The following CGNL1 variants were observed in gnomAD, a reference collection of about 807,000 sequenced individuals.
The protein encoded by CGNL1 is cingulin-like protein 1.
Under a neutral mutation model 141.2 loss-of-function variants are expected in CGNL1, and 132 were observed. That is an observed-to-expected ratio of 0.93 (90% CI 0.81 to 1.08). The LOEUF (loss-of-function observed/expected upper bound fraction) is 1.08. Among genes scored for constraint, CGNL1 ranks in the 50% least tolerant of loss-of-function variants. The pLI is 0.00. For synonymous variants in CGNL1, 690 were observed against 622.1 expected, an observed-to-expected ratio of 1.11 and a Z score of -1.63; for missense variants, 1,870 against 1,588.6, an observed-to-expected ratio of 1.18 and a Z score of -3.01.
intron 10 of CGNL1, among the ~76,000 whole-genome samples, chr15:57,521,112 A>G (rs1318924403): frequency 1.3e-5 from 2 of 152,192 alleles, no homozygotes; most frequent in Non-Finnish European, 2.9e-5. Context: ...CTGTAGCTAC[A>G]GAGCGTTTCA....
At chr15:57,455,020 A>T (rs1382953326) in intron 7 of CGNL1, among the ~76,000 whole-genome samples, 3 of 152,158 alleles carry the variant, frequency 2.0e-5, no homozygotes, top group African/African-American at 7.2e-5. Context: ...ATGTATATAT[A>T]ATATAAGGAC....
Position 57,516,997 on chromosome 15 carries a change from C to A in CGNL1, c.2610+11C>A, listed in dbSNP as rs1403307734. On this transcript the variant is annotated intron_variant, in intron 9 of 18. Transcript: ENST00000281282. ...CTGAAGAAGTACGAGGTGAGGCTCG[C>A]TGGGCCCAGGCCCAGCTTTGGCAGC... 4 of 1,609,468 alleles carry A rather than the reference C, an allele frequency of 2.5e-6. No homozygotes were observed. Among genetic ancestry groups the A allele is most frequent in the Middle Eastern group, 1.9e-4 (1 of 5,390 alleles).
chr15:57,524,552 T>G (rs2031483897), intron 11 of CGNL1, 29 bp from the exon 12 acceptor site: 1 of 1,595,476 alleles, frequency 6.3e-7, no homozygotes, highest in East Asian at 2.2e-5. Context: ...CATCCCAGGG[T>G]GGGCTCACAC....
chr15:57,468,514 G>A (rs563161381), intron 8 of CGNL1, among the ~76,000 whole-genome samples: 1 of 151,908 alleles, frequency 6.6e-6, no homozygotes, highest in African/African-American at 2.4e-5. Flanking sequence ...TTATAGGTGT[G>A]ACCCACTGCA....
chr15:57,515,779 C>G (rs1199532848), intron 8 of CGNL1, among the ~76,000 whole-genome samples: 1 of 152,082 alleles, frequency 6.6e-6, no homozygotes, highest in Admixed American at 6.5e-5. Context: ...GAACTGTATC[C>G]TAATTTAAGC....
intron 1 of CGNL1, among the ~76,000 whole-genome samples, chr15:57,392,025 C>A (rs1262639908): frequency 6.6e-6 from 1 of 151,436 alleles, no homozygotes; most frequent in Non-Finnish European, 1.5e-5. Context: ...TTTTCAGCAC[C>A]ATAAGATGGT....
chr15:57,441,107 A>T (rs2063181917), intron 3 of CGNL1, among the ~76,000 whole-genome samples: 1 of 151,870 alleles, frequency 6.6e-6, no homozygotes, highest in African/African-American at 2.4e-5. Context: ...AGCCTACATG[A>T]CTGAAAACCA....
chr15:57,449,062 C>T (rs1229747647), intron 4 of CGNL1, among the ~76,000 whole-genome samples: 27 of 152,232 alleles, frequency 1.8e-4, no homozygotes, highest in Middle Eastern at 6.8e-3. Context: ...AAATGAATGC[C>T]AGAATGTCCA....
At position 57,440,472 on chromosome 15, in the gene CGNL1, G is replaced by T; in HGVS notation, c.1697+1G>T. 1.3e-6 allele frequency: 2 copies of T among 1,577,710 alleles called. No individual in the cohort carries two copies. The highest frequency in any genetic ancestry group is 1.8e-5 in the Admixed American group (1 of 55,992). ...TTCTCTACAATTACCTCAAAGAAGG[G>T]TTAGTGATTTTCCCTCTGAAAGAGC... On this transcript the variant is annotated splice_donor_variant, in intron 3 of 18. Transcript: ENST00000281282. LOFTEE classifies it high-confidence loss of function.
rs912392375 is a variant in CGNL1 at position 57,527,218 on chromosome 15, C to T, written c.3040-1436C>T. 5.3e-5 allele frequency: 8 copies of T among 152,022 alleles called. No individual in the cohort carries two copies. In the Middle Eastern group the frequency reaches 0.014, roughly 259 times the overall value. The allele number at this position is 152,022 out of a possible 1,614,324, so 9.4% of individuals were successfully genotyped here. On this transcript the variant is annotated intron_variant, in intron 12 of 18. Coordinates refer to ENST00000281282, the MANE Select transcript of CGNL1 (RefSeq NM_032866.5). ...GTGGGTCTTCATCTGGAGATGTCAT[C>T]TTCAAGGCTAGGCTGTTCTCTTAGA...
At chr15:57,491,212 G>A (rs940257591) in intron 8 of CGNL1, among the ~76,000 whole-genome samples, 3 of 152,224 alleles carry the variant, frequency 2.0e-5, no homozygotes, top group African/African-American at 2.4e-5. Context: ...AGGGGAAGCC[G>A]AGTGTGGGAT....
At chr15:57,542,680 G>C (rs9989336) in intron 14 of CGNL1, among the ~76,000 whole-genome samples, 100,069 of 152,134 alleles carry the variant, frequency 0.66, 33,205 homozygotes, top group Middle Eastern at 0.71. Flanking sequence ...CTGGGAAGCC[G>C]CTTCTGGAGT....
chr15:57,479,228 G>A (rs368609448), intron 8 of CGNL1, among the ~76,000 whole-genome samples: 115 of 152,264 alleles, frequency 7.6e-4, no homozygotes, highest in African/African-American at 2.6e-3. Context: ...GAAGGCAGTT[G>A]GACCAAGGTG....
Position 57,408,957 on chromosome 15 carries a change from C to T in CGNL1, c.-15-29028C>T, listed in dbSNP as rs147875228. On this transcript the variant is annotated intron_variant, in intron 1 of 18. Coordinates refer to ENST00000281282, the MANE Select transcript of CGNL1 (RefSeq NM_032866.5). The stretch of plus-strand genomic sequence containing the variant: ...TCAGAAGGCTGAGGCAGGAGAATCG[C>T]TTGAACTCGGGAGGTGGAGGTTGCA... Among the ~76,000 whole-genome samples, 10 of 151,924 alleles carry T rather than the reference C, an allele frequency of 6.6e-5. No individual in the cohort carries two copies. In the East Asian group the frequency reaches 1.7e-3, roughly 27 times the overall value.
At chr15:57,383,631 C>CTT (rs745909275) in intron 1 of CGNL1, among the ~76,000 whole-genome samples, 42 of 37,968 alleles carry the variant, frequency 1.1e-3, no homozygotes, top group Admixed American at 3.2e-3. Flanking sequence ...CTTTTCTTTT[C>CTT]TTTTTTTTTT....
chr15:57,454,368 C>G (rs1329893119), intron 7 of CGNL1, among the ~76,000 whole-genome samples: 3 of 152,170 alleles, frequency 2.0e-5, no homozygotes, highest in Non-Finnish European at 4.4e-5. Context: ...TCTACTTCCT[C>G]CCTCTTTGGG....
chr15:57,494,010 C>T lies in CGNL1; in HGVS notation c.2404-22770C>T, dbSNP rs2063902424. 2.0e-5 allele frequency among the ~76,000 whole-genome samples: 3 copies of T among 151,958 alleles called. No homozygotes were observed. In the South Asian group the frequency reaches 6.2e-4, roughly 32 times the overall value. On this transcript the variant is annotated intron_variant, in intron 8 of 18. Coordinates refer to ENST00000281282, the MANE Select transcript of CGNL1 (RefSeq NM_032866.5). ...TGGATTCATGTACCACATGTGTAAC[C>T]CCCAGTACCTAGAAGAATGAGATGG...
At chr15:57,533,205 G>C (rs2032055538) in intron 14 of CGNL1, among the ~76,000 whole-genome samples, 1 of 152,198 alleles carries the variant, frequency 6.6e-6, no homozygotes, top group African/African-American at 2.4e-5. Flanking sequence ...CTCATGGAGA[G>C]TGGGTTCTGT....
At chr15:57,513,871 T>C (rs2030549617) in intron 8 of CGNL1, among the ~76,000 whole-genome samples, 1 of 152,138 alleles carries the variant, frequency 6.6e-6, no homozygotes, top group Non-Finnish European at 1.5e-5. Flanking sequence ...AATTGCTAGG[T>C]CCTACCGTAA....
Sources: allele counts gnomAD v4.1 joint callset (sites outside exome capture counted in the v4.1 genomes callset), GRCh38; gene constraint gnomAD v4.1.1; transcripts MANE v1.5; gene names NCBI Gene and HGNC (gene_info 2026-07-23, HGNC 2026-07-21).